The following DBP variants were observed in gnomAD, a reference collection of about 807,000 sequenced individuals.
DBP encodes the protein D site-binding protein.
Under a neutral mutation model 21.4 loss-of-function variants are expected in DBP, and 12 were observed. That is an observed-to-expected ratio of 0.56 (90% CI 0.36 to 0.91). The LOEUF is 0.91. DBP is among the 40% of genes least tolerant of loss of function. DBP has a pLI of 0.01. For synonymous variants in DBP, 213 were observed against 224.9 expected (o/e 0.95, Z 0.47); for missense variants, 423 against 473.4 (o/e 0.89, Z 0.99).
chr19:48,630,337 C>G lies in DBP; in HGVS notation c.*500G>C. On this transcript the variant is annotated 3_prime_UTR_variant, in exon 4 of 4. Coordinates refer to ENST00000222122, the MANE Select transcript of DBP (RefSeq NM_001352.5). The surrounding 1 kb of genome is among the most constrained non-coding windows in gnomAD (Gnocchi z 4.9). Reference sequence around the variant, plus strand: ...TATCCCCTGTTCGTCTCATGCGCGTCCTCCGTCCCCAATCTAAAAAGCAAT... The same window carrying G: ...TATCCCCTGTTCGTCTCATGCGCGTGCTCCGTCCCCAATCTAAAAAGCAAT... 1.5e-6 allele frequency: 2 copies of G among 1,309,442 alleles called. No individual in the cohort carries two copies. The highest frequency in any genetic ancestry group is 1.9e-6 in the Non-Finnish European group (2 of 1,030,038). 81.1% of individuals were successfully genotyped at this position (1,309,442 alleles called of 1,614,324 possible). A position where few individuals can be genotyped will look rare whatever the true frequency, so the allele number is the denominator to read the frequency against.
At chr19:48,631,759 G>GAC (rs2147708891) in intron 3 of DBP, 1 of 152,282 alleles carries the variant, frequency 6.6e-6, no homozygotes, top group South Asian at 2.1e-4. Context: ...TCCTAAGGAA[G>GAC]ACTCCTCCTT....
In DBP at chr19:48,635,948, G is replaced by T; in HGVS notation, c.182C>A (p.Ala61Asp). The change falls in exon 2 of 4, where the codon GCC becomes GAC. Residue 61 changes from alanine (A) to aspartate (D), a missense_variant. Physicochemically the swap from Ala to Asp is moderately radical, Grantham distance 126. Around this residue, in one of 4 missense-constraint regions of DBP, gnomAD observed 283 missense variants for 273.7 expected, o/e 1.03. Coordinates refer to ENST00000222122, the MANE Select transcript of DBP (RefSeq NM_001352.5). ...CTCCAGGCCTGGCCCAGGGGTTGTG[G>T]CTGCAGGCAGGGCCGCCTTGCGCTC... is the stretch of plus-strand genomic sequence containing the variant. ...EKERKAALPA[A>D]TTPGPGLETA... 1.3e-6 allele frequency: 2 copies of T among 1,526,532 alleles called. No individual in the cohort carries two copies. The highest frequency in any genetic ancestry group is 1.4e-5 in the African/African-American group (1 of 71,188). 94.6% of individuals were successfully genotyped at this position (1,526,532 alleles called of 1,614,324 possible).
In DBP at chr19:48,630,514, C is replaced by A; in HGVS notation, c.*323G>T. On this transcript the variant is annotated 3_prime_UTR_variant, in exon 4 of 4. Coordinates refer to ENST00000222122, the MANE Select transcript of DBP (RefSeq NM_001352.5). This position sits in a 1 kb window ranked among gnomAD's most constrained non-coding sequence, Gnocchi z 4.9. Reference sequence around the variant, plus strand: ...ACAGCCCGGAGCTGCCCACGGGCTGCAGCCAGTATGCCAGGGAGCTGCCCT... The same window carrying A: ...ACAGCCCGGAGCTGCCCACGGGCTGAAGCCAGTATGCCAGGGAGCTGCCCT... 2 of 1,533,196 alleles carry A rather than the reference C, an allele frequency of 1.3e-6. No individual in the cohort carries two copies. The highest frequency in any genetic ancestry group is 1.7e-6 in the Non-Finnish European group (2 of 1,145,682). 95.0% of individuals were successfully genotyped at this position (1,533,196 alleles called of 1,614,324 possible).
chr19:48,631,317 A>G, intron 3 of DBP: 1 of 502,510 alleles, frequency 2.0e-6, no homozygotes, highest in Non-Finnish European at 3.6e-6. Flanking sequence ...CACATGATAA[A>G]GGCCTGCATG....
intron 1 of DBP, 135 bp downstream of exon 1, chr19:48,636,721 C>G: frequency 8.9e-7 from 1 of 1,124,616 alleles, no homozygotes; most frequent in African/African-American, 1.6e-5. Context: ...GCCTAAACAC[C>G]TGAGTAATTG....
intron 3 of DBP, 74 bp downstream of exon 3, chr19:48,633,370 G>A (rs1327449384): frequency 3.4e-6 from 5 of 1,458,446 alleles, no homozygotes; most frequent in Middle Eastern, 1.8e-4. Context: ...AGGCTTGACT[G>A]TGAGAAAAGG....
rs1453405891 is a variant in DBP, at chr19:48,633,638, T to A, written c.568A>T (p.Thr190Ser). 1 of 1,613,962 alleles carries A rather than the reference T, an allele frequency of 6.2e-7. No individual in the cohort carries two copies. The highest frequency in any genetic ancestry group is 2.2e-5 in the East Asian group (1 of 44,904). ...GTGTCTGGGTCCACAGGGCTGGGTG[T>A]GTCCCGAGAGGTCAGGCCTTGGGGA... ...GHRAGLTSRD[T>S]PSPVDPDTVE... Residue 190 changes from threonine to serine, a missense_variant, in exon 3 of 4, where the codon ACA becomes TCA. Around this residue, in one of 4 missense-constraint regions of DBP, gnomAD observed 77 missense variants for 97.1 expected, o/e 0.79. Coordinates refer to ENST00000222122, the MANE Select transcript of DBP (RefSeq NM_001352.5).
intron 2 of DBP, chr19:48,634,657 A>G (rs1286667633): frequency 2.0e-6 from 2 of 980,928 alleles, no homozygotes; most frequent in South Asian, 4.7e-5. Context: ...TCGCGCTTGA[A>G]GGCGCCTGCG....
chr19:48,633,593 A>G lies in DBP; in HGVS notation c.613T>C (p.Phe205Leu). Reference sequence around the variant, plus strand: ...GCAAGATCAGCTGGGTCGGGTTCAAAGGTCATCAACACCTCCACGGTGTCT... The same window carrying G: ...GCAAGATCAGCTGGGTCGGGTTCAAGGGTCATCAACACCTCCACGGTGTCT... ...DPDTVEVLMT[F>L]EPDPADLALS... Residue 205 changes from phenylalanine (F) to leucine (L), a missense_variant, in exon 3 of 4, where the codon TTT (phenylalanine) becomes CTT (leucine). Phe to Leu is a conservative substitution (Grantham distance 22). Around this residue, in one of 4 missense-constraint regions of DBP, gnomAD observed 77 missense variants for 97.1 expected, o/e 0.79. Transcript: ENST00000222122. 1 of 1,614,154 alleles carries G rather than the reference A, an allele frequency of 6.2e-7. No homozygotes were observed.
chr19:48,630,720 A>G lies in DBP; in HGVS notation c.*117T>C. The stretch of plus-strand genomic sequence containing the variant: ...AAATATAAATGTATTTATCTGCATT[A>G]TCACGTCCCTGGGGCACCCAGCTGG... On this transcript the variant is annotated 3_prime_UTR_variant, in exon 4 of 4. Coordinates refer to ENST00000222122, the MANE Select transcript of DBP (RefSeq NM_001352.5). The surrounding 1 kb of genome is among the most constrained non-coding windows in gnomAD (Gnocchi z 4.9). The G allele has an allele frequency of 7.1e-7, 1 of 1,414,532 alleles. No individual in the cohort carries two copies. Among genetic ancestry groups the G allele is most frequent in the Non-Finnish European group, 9.4e-7 (1 of 1,063,756 alleles). The allele number at this position is 1,414,532 out of a possible 1,614,324, so 87.6% of individuals were successfully genotyped here. A position where few individuals can be genotyped will look rare whatever the true frequency, so the allele number is the denominator to read the frequency against.
chr19:48,634,876 A>G (rs2030727031), intron 2 of DBP: 2 of 985,574 alleles, frequency 2.0e-6, no homozygotes, highest in South Asian at 9.3e-5. Context: ...CTCAACCTCC[A>G]AAGATTCCCA....
intron 3 of DBP, chr19:48,631,483 G>C (rs948310176): frequency 1.2e-5 from 2 of 165,368 alleles, no homozygotes; most frequent in African/African-American, 4.8e-5. Context: ...GATGGGGTTT[G>C]GTGTCCCATA....
intron 2 of DBP, chr19:48,634,668 C>G (rs2030717478): frequency 1.0e-6 from 1 of 984,864 alleles, no homozygotes; most frequent in Non-Finnish European, 1.2e-6. Context: ...GGCGCCTGCG[C>G]GAAGCGCGGA....
chr19:48,635,602 C>G lies in DBP; in HGVS notation c.528G>C (p.Gly176=). ...CACCTGCGCGGTGGCCGCTGGCGGT[C>G]CCGAGGGCAGCCCGGGCGGGGGCGT... ...PGHAPARAAL[G]TASGHRAGLT... The change falls in exon 2 of 4, where the codon GGG becomes GGC. Residue 176 remains glycine, a synonymous_variant. Coordinates refer to ENST00000222122, the MANE Select transcript of DBP (RefSeq NM_001352.5). 5.2e-6 allele frequency: 7 copies of G among 1,354,932 alleles called. No individual in the cohort carries two copies. The highest frequency in any genetic ancestry group is 6.6e-6 in the Non-Finnish European group (7 of 1,063,832). The allele number at this position is 1,354,932 out of a possible 1,614,324, so 83.9% of individuals were successfully genotyped here. A position where few individuals can be genotyped will look rare whatever the true frequency, so the allele number is the denominator to read the frequency against.
chr19:48,637,158 G>T lies in DBP; in HGVS notation c.-164C>A. 1 of 584,418 alleles carries T rather than the reference G, an allele frequency of 1.7e-6. No homozygotes were observed. Among genetic ancestry groups the T allele is most frequent in the Non-Finnish European group, 2.8e-6 (1 of 353,270 alleles). 36.2% of individuals were successfully genotyped at this position (584,418 alleles called of 1,614,324 possible). A position where few individuals can be genotyped will look rare whatever the true frequency, so the allele number is the denominator to read the frequency against. ...GAACGCTGCAAATCCTAGGAGCGAC[G>T]GGGATTTGAGGTCCTCGGTGCAGAA... On this transcript the variant is annotated 5_prime_UTR_variant, in exon 1 of 4. Coordinates refer to ENST00000222122, the MANE Select transcript of DBP (RefSeq NM_001352.5).
rs2030487731 is a variant in DBP, at chr19:48,630,191, C to T, written c.*646G>A. 1.6e-6 allele frequency: 2 copies of T among 1,255,638 alleles called. No individual in the cohort carries two copies. The highest frequency in any genetic ancestry group is 2.0e-6 in the Non-Finnish European group (2 of 999,136). The allele number at this position is 1,255,638 out of a possible 1,614,324, so 77.8% of individuals were successfully genotyped here. A position where few individuals can be genotyped will look rare whatever the true frequency, so the allele number is the denominator to read the frequency against. On this transcript the variant is annotated 3_prime_UTR_variant, in exon 4 of 4. Transcript: ENST00000222122. This position sits in a 1 kb window ranked among gnomAD's most constrained non-coding sequence, Gnocchi z 4.9. ...GCCGGTCAGGGCCCGCAGCCTCGCC[C>T]CATCCACTCCGGTGCCTCCATTTAG...
Position 48,636,899 on chromosome 19 carries a change from C to T in DBP, c.96G>A (p.Arg32=). 6.2e-7 allele frequency: 1 copy of T among 1,605,214 alleles called. No individual in the cohort carries two copies. The highest frequency in any genetic ancestry group is 1.7e-5 in the Admixed American group (1 of 59,048). ...PPGGGALLGL[R]SLLQGTSKPK... is the part of the protein sequence containing the mutation. The stretch of plus-strand genomic sequence containing the variant: ...GCTTGCTGGTCCCCTGCAGAAGGCT[C>T]CGCAACCCAAGCAGCGCTCCCCCGC... Residue 32 remains arginine (R), a synonymous_variant, in exon 1 of 4, where the codon CGG becomes CGA. Transcript: ENST00000222122.
At chr19:48,634,680 G>A (rs971458951) in intron 2 of DBP, 6 of 985,276 alleles carry the variant, frequency 6.1e-6, no homozygotes, top group African/African-American at 5.2e-5. Flanking sequence ...AAGCGCGGAG[G>A]AGGGATGGGA....
intron 2 of DBP, 153 bp downstream of exon 2, chr19:48,635,427 A>G: frequency 6.8e-7 from 1 of 1,474,410 alleles, no homozygotes; most frequent in Non-Finnish European, 9.0e-7. Flanking sequence ...GAGACACCGA[A>G]TCTGGCCCCC....
Sources: allele counts gnomAD v4.1 joint callset, GRCh38; gene constraint gnomAD v4.1.1; regional missense constraint gnomAD v4.1.1; non-coding constraint Gnocchi (gnomAD v3.1); transcripts MANE v1.5; gene names NCBI Gene and HGNC (gene_info 2026-07-23, HGNC 2026-07-21).